YEATS2: variants seen among roughly 807,000 people sequenced by gnomAD.
YEATS2 encodes the protein YEATS domain containing 2, also known as YEATS domain-containing protein 2.
A neutral mutation model predicts 163.2 loss-of-function variants in YEATS2; 77 were observed. The ratio of observed to expected loss-of-function variants is 0.47; its 90% CI spans 0.39 to 0.57. The LOEUF is 0.57. Ranked by LOEUF, YEATS2 falls within the 20% of genes least tolerant of loss-of-function variation. The probability of loss-of-function intolerance (pLI) is 0.00; values close to 1 mark genes in which losing one functional copy is unlikely to be tolerated. For missense variants in YEATS2, 1,549 were observed against 1,729.8 expected (o/e 0.90, Z 1.85); for synonymous variants, 631 against 645.1 (o/e 0.98, Z 0.33).
chr3:183,718,079 G>T (rs1716097283), intron 3 of YEATS2, among the ~76,000 whole-genome samples: 1 of 152,112 alleles, frequency 6.6e-6, no homozygotes, highest in Non-Finnish European at 1.5e-5. Context: ...GTAACATAGA[G>T]AAAGGATAAA....
chr3:183,807,097 G>T lies in YEATS2; in HGVS notation c.4011+5G>T, dbSNP rs865848998. The T allele has an allele frequency of 6.2e-7, 1 of 1,610,292 alleles. No homozygotes were observed. Among genetic ancestry groups the T allele is most frequent in the Admixed American group, 1.7e-5 (1 of 59,412 alleles). Reference sequence around the variant, plus strand: ...ATTGGGGATGTCACACAGAAGGTAGGGGTTGTGGTGTTAATAGTTCATGCA... The same window carrying T: ...ATTGGGGATGTCACACAGAAGGTAGTGGTTGTGGTGTTAATAGTTCATGCA... On this transcript the variant is annotated splice_donor_5th_base_variant and intron_variant, in intron 28 of 30. Transcript: ENST00000305135.
chr3:183,787,727 G>C (rs1724194914), intron 20 of YEATS2, among the ~76,000 whole-genome samples: 1 of 152,096 alleles, frequency 6.6e-6, no homozygotes, highest in African/African-American at 2.4e-5. Context: ...GCTGGGCGCA[G>C]TGGCTCATGC....
In YEATS2 at chr3:183,800,559, A is replaced by G. The variant is rs371478525; in HGVS notation, c.3419A>G (p.Tyr1140Cys). ...GAAGAAAGTTCTGAGCTGGGAAACT[A>G]TGTCATTAAGTAATTCTTCCAATCT... ...KTEESSELGN[Y>C]VIKIDHLETI... is the part of the protein sequence containing the mutation. The change falls in exon 24 of 31, where the codon TAT becomes TGT. Residue 1140 changes from tyrosine (Y) to cysteine (C), a missense_variant. Coordinates refer to ENST00000305135, the MANE Select transcript of YEATS2 (RefSeq NM_018023.5). 155 of 1,613,542 alleles carry G rather than the reference A, an allele frequency of 9.6e-5. No individual in the cohort carries two copies. Among genetic ancestry groups the G allele is most frequent in the Non-Finnish European group, 7.5e-5 (89 of 1,179,710 alleles).
chr3:183,727,951 C>CT (rs35332732), intron 6 of YEATS2, among the ~76,000 whole-genome samples: 64,120 of 148,776 alleles, frequency 0.43, 13,932 homozygotes, highest in East Asian at 0.66. Flanking sequence ...ACAAGTTTGC[C>CT]TTTTTTTTTT....
At chr3:183,730,731 C>G (rs2109119968) in intron 7 of YEATS2, among the ~76,000 whole-genome samples, 1 of 152,284 alleles carries the variant, frequency 6.6e-6, no homozygotes, top group East Asian at 1.9e-4. Context: ...ACCTGGTTTA[C>G]TGATTTTCTC....
chr3:183,703,910 C>G (rs1035393222), intron 1 of YEATS2, among the ~76,000 whole-genome samples: 2 of 151,994 alleles, frequency 1.3e-5, no homozygotes, highest in African/African-American at 4.8e-5. Flanking sequence ...CTTGTAATCC[C>G]AGCACTTTGG....
rs1162080411 is a variant in YEATS2 at position 183,715,076 on chromosome 3, G to A, written c.-19-68G>A. 7.2e-6 allele frequency: 6 copies of A among 835,474 alleles called. No individual in the cohort carries two copies. In the African/African-American group the frequency reaches 1.0e-4, roughly 15 times the overall value. 51.8% of individuals were successfully genotyped at this position (835,474 alleles called of 1,614,324 possible). A position where few individuals can be genotyped will look rare whatever the true frequency, so the allele number is the denominator to read the frequency against. ...CACATATATTTGTAAGTACTGGTAT[G>A]CAGTGTTACTACAACCCAACTATTT... On this transcript the variant is annotated intron_variant, in intron 1 of 30. Transcript: ENST00000305135.
intron 9 of YEATS2, among the ~76,000 whole-genome samples, chr3:183,749,445 C>T (rs1442077324): frequency 2.6e-5 from 4 of 152,026 alleles, no homozygotes; most frequent in African/African-American, 4.8e-5. Context: ...CCACTCCTCC[C>T]GCCCCCCCAG....
chr3:183,714,766 A>G (rs1715656494), intron 1 of YEATS2, among the ~76,000 whole-genome samples: 2 of 152,164 alleles, frequency 1.3e-5, no homozygotes, highest in South Asian at 2.1e-4. Context: ...CCATGTTTTC[A>G]TCAAAGTCTG....
chr3:183,756,400 A>T (rs2109316177), intron 11 of YEATS2, 128 bp from the exon 12 acceptor site: 1 of 810,086 alleles, frequency 1.2e-6, no homozygotes, highest in Non-Finnish European at 1.9e-6. Context: ...AGCACGCAGT[A>T]TCCATTTTAT....
chr3:183,700,700 G>A (rs1159419966), intron 1 of YEATS2, among the ~76,000 whole-genome samples: 1 of 143,166 alleles, frequency 7.0e-6, no homozygotes, highest in Non-Finnish European at 1.5e-5. Flanking sequence ...GAACCCGGGA[G>A]GTGGAGGTTG....
At chr3:183,698,406 C>T (rs954927777) in intron 1 of YEATS2, among the ~76,000 whole-genome samples, 1 of 152,140 alleles carries the variant, frequency 6.6e-6, no homozygotes, top group Non-Finnish European at 1.5e-5. Flanking sequence ...CACCGGGCCT[C>T]CCTGGGATGG....
At chr3:183,745,645 TAG>T (rs1192828918) in intron 8 of YEATS2, among the ~76,000 whole-genome samples, 1 of 152,154 alleles carries the variant, frequency 6.6e-6, no homozygotes, top group Admixed American at 6.6e-5. Flanking sequence ...CTCTAAATAT[TAG>T]AGTTACATAA....
rs1225337050 is a variant in YEATS2 at position 183,699,548 on chromosome 3, T to TA, written c.-20+1569dup. 1.2e-3 allele frequency among the ~76,000 whole-genome samples: 167 copies of TA among 142,554 alleles called. 1 individual carries two copies. The highest frequency in any genetic ancestry group is 3.6e-3 in the Middle Eastern group (1 of 278). 93.5% of individuals were successfully genotyped at this position (142,554 alleles called of 152,430 possible). A position where few individuals can be genotyped will look rare whatever the true frequency, so the allele number is the denominator to read the frequency against. ...ACAAGGCAGGAAGGACCCCGTCTCT[T>TA]AAAAAAAAAAAAAATTGGGAGTGAT... On this transcript the variant is annotated intron_variant, in intron 1 of 30. Coordinates refer to ENST00000305135, the MANE Select transcript of YEATS2 (RefSeq NM_018023.5).
At position 183,804,057 on chromosome 3, in the gene YEATS2, T is replaced by A. The variant is rs1366651378; in HGVS notation, c.3653T>A (p.Leu1218Gln). 15 of 1,614,170 alleles carry A rather than the reference T, an allele frequency of 9.3e-6. No homozygotes were observed. Among genetic ancestry groups the A allele is most frequent in the Non-Finnish European group, 1.3e-5 (15 of 1,180,024 alleles). The change falls in exon 27 of 31, where the codon CTG becomes CAG. Residue 1218 changes from leucine to glutamine, a missense_variant. Transcript: ENST00000305135. ...ILEKNPRFHH[L>Q]TPLKTKHIAH... Reference sequence around the variant, plus strand: ...GAGAAGAATCCGAGATTTCACCACCTGACTCCCCTCAAAACCAAGCACATC... The same window carrying A: ...GAGAAGAATCCGAGATTTCACCACCAGACTCCCCTCAAAACCAAGCACATC...
chr3:183,720,763 T>A (rs914469759), intron 4 of YEATS2, among the ~76,000 whole-genome samples: 1 of 152,140 alleles, frequency 6.6e-6, no homozygotes, highest in Non-Finnish European at 1.5e-5. Context: ...TATTATGAAG[T>A]CTAGAAGTCC....
rs928922348 is a variant in YEATS2 at position 183,777,485 on chromosome 3, A to G, written c.2578-57A>G. ...TACATGTGATTTAAGGGATCAGAAC[A>G]GCCCATCTGAATTTAACAAATTACC... On this transcript the variant is annotated intron_variant, in intron 18 of 30. Transcript: ENST00000305135. 2.2e-5 allele frequency: 35 copies of G among 1,572,824 alleles called. No individual in the cohort carries two copies. The African/African-American group carries it at 3.4e-4, about 15-fold the overall frequency.
intron 21 of YEATS2, among the ~76,000 whole-genome samples, chr3:183,794,620 C>T (rs957457930): frequency 2.6e-5 from 4 of 152,158 alleles, no homozygotes; most frequent in Non-Finnish European, 5.9e-5. Flanking sequence ...GTTAAAAATG[C>T]GTGACCGGCT....
At chr3:183,730,723 C>T (rs79875054) in intron 7 of YEATS2, among the ~76,000 whole-genome samples, 4,228 of 152,212 alleles carry the variant, frequency 0.028, 188 homozygotes, top group African/African-American at 0.095. Context: ...GTTTCAGCAC[C>T]TGGTTTACTG....
Sources: gnomAD v4.1 joint callset for allele counts (sites outside exome capture counted in the v4.1 genomes callset) on GRCh38, gnomAD v4.1.1 for gene constraint, MANE v1.5 for transcripts, NCBI Gene and HGNC (gene_info 2026-07-23, HGNC 2026-07-21) for gene names.